RBFOX1: variants seen among roughly 807,000 people sequenced by gnomAD.
RBFOX1 encodes the protein RNA binding fox-1 homolog 1, also known as RNA binding protein fox-1 homolog 1.
A neutral mutation model predicts 57.7 loss-of-function variants in RBFOX1; 8 were observed. That is an observed-to-expected ratio of 0.14 (90% CI 0.08 to 0.25). RBFOX1 has a LOEUF of 0.25. Among genes scored for constraint, RBFOX1 ranks in the 10% least tolerant of loss-of-function variants. RBFOX1 has a pLI of 1.00. For missense variants in RBFOX1, 611 were observed against 548.5 expected, an observed-to-expected ratio of 1.11 and a Z score of -1.14; for synonymous variants, 326 against 222.4, an observed-to-expected ratio of 1.47 and a Z score of -4.15.
intron 4 of RBFOX1, among the ~76,000 whole-genome samples, chr16:7,460,389 ATGTGTGTGTGTGTG>A (rs1235047786): frequency 2.3e-5 from 2 of 87,216 alleles, no homozygotes; most frequent in East Asian, 4.2e-4. Flanking sequence ...ATATATATAT[ATGTGTGTGTGTGTG>A]TGTGTGTGTG....
At chr16:6,075,526 G>A in intron 1 of RBFOX1, among the ~76,000 whole-genome samples, 1 of 152,146 alleles carries the variant, frequency 6.6e-6, no homozygotes, top group Non-Finnish European at 1.5e-5. Context: ...AACACAATCT[G>A]TTGTTTCTGA....
intron 5 of RBFOX1, among the ~76,000 whole-genome samples, chr16:7,562,019 GA>G (rs145430474): frequency 2.1e-4 from 32 of 148,982 alleles, no homozygotes; most frequent in African/African-American, 6.4e-4. Flanking sequence ...AGGAGATGAG[GA>G]AAAAAAAAAT....
chr16:6,190,303 C>T lies in RBFOX1; in HGVS notation c.-126-126692C>T, dbSNP rs371009321. Among the ~76,000 whole-genome samples the T allele has an allele frequency of 8.9e-4, 136 of 152,288 alleles. 5 individuals carry two copies. In the South Asian group the frequency reaches 0.027, roughly 30 times the overall value. ...TTCAAAGTTATTACATCCAAACCAA[C>T]ACTAAGTAGTAATGTTAGGATGTGT... On this transcript the variant is annotated intron_variant, in intron 1 of 15. Coordinates refer to ENST00000550418, the MANE Select transcript of RBFOX1 (RefSeq NM_018723.4).
At chr16:6,347,568 T>G (rs2085587681) in intron 2 of RBFOX1, among the ~76,000 whole-genome samples, 1 of 152,180 alleles carries the variant, frequency 6.6e-6, no homozygotes, top group Admixed American at 6.5e-5. Context: ...GCTTTGCATC[T>G]TGCATATGCA....
chr16:5,337,456 T>G (rs1030444486), intron 1 of RBFOX1, among the ~76,000 whole-genome samples: 1 of 152,210 alleles, frequency 6.6e-6, no homozygotes, highest in African/African-American at 2.4e-5. Context: ...TCTAAAATAT[T>G]TTTTTCCTAA....
chr16:5,883,546 G>C (rs986183132), intron 4 of RBFOX1, among the ~76,000 whole-genome samples: 1 of 152,054 alleles, frequency 6.6e-6, no homozygotes, highest in Non-Finnish European at 1.5e-5. Context: ...ACGTTGGACT[G>C]CTCTAATTGT....
chr16:7,010,107 A>G (rs1004624155), intron 3 of RBFOX1, among the ~76,000 whole-genome samples: 1 of 152,224 alleles, frequency 6.6e-6, no homozygotes, highest in African/African-American at 2.4e-5. Context: ...GCCTAAGGGC[A>G]TGAACTCTAT....
At chr16:7,023,640 G>A (rs967995849) in intron 3 of RBFOX1, among the ~76,000 whole-genome samples, 14 of 148,444 alleles carry the variant, frequency 9.4e-5, no homozygotes, top group African/African-American at 2.7e-4. Flanking sequence ...GCACTGGGAA[G>A]GCCCCAGTAT....
At chr16:6,733,148 A>T (rs1301240930) in intron 3 of RBFOX1, among the ~76,000 whole-genome samples, 3 of 152,224 alleles carry the variant, frequency 2.0e-5, no homozygotes, top group Non-Finnish European at 2.9e-5. Flanking sequence ...AAATGTGAAT[A>T]ATGAGAACAG....
At chr16:7,234,829 T>A (rs2093689393) in intron 4 of RBFOX1, among the ~76,000 whole-genome samples, 1 of 152,086 alleles carries the variant, frequency 6.6e-6, no homozygotes, top group East Asian at 1.9e-4. Context: ...GCACCCCATT[T>A]TTGGTACGTG....
chr16:5,443,903 G>A (rs185721993), intron 1 of RBFOX1, among the ~76,000 whole-genome samples: 6 of 152,182 alleles, frequency 3.9e-5, no homozygotes, highest in Non-Finnish European at 7.4e-5. Context: ...CTTATTTGCC[G>A]AGGGGAGATT....
At chr16:5,625,520 C>A (rs934192108) in intron 3 of RBFOX1, among the ~76,000 whole-genome samples, 2 of 143,170 alleles carry the variant, frequency 1.4e-5, no homozygotes, top group African/African-American at 2.6e-5. Context: ...TGGATTTACT[C>A]TTTTAATATT....
At chr16:7,132,990 C>G (rs2070935674) in intron 4 of RBFOX1, among the ~76,000 whole-genome samples, 1 of 152,052 alleles carries the variant, frequency 6.6e-6, no homozygotes, top group South Asian at 2.1e-4. Context: ...AACCGTTATA[C>G]CAGGAAATAA....
At chr16:7,420,999 G>A (rs533171084) in intron 4 of RBFOX1, among the ~76,000 whole-genome samples, 2 of 150,996 alleles carry the variant, frequency 1.3e-5, no homozygotes, top group East Asian at 1.9e-4. Context: ...TCCTGAGGCT[G>A]TACAGACGTG....
chr16:6,529,552 C>G (rs2096627694), intron 2 of RBFOX1, among the ~76,000 whole-genome samples: 2 of 144,812 alleles, frequency 1.4e-5, no homozygotes, highest in South Asian at 2.2e-4. Flanking sequence ...GAGACTCCAT[C>G]TCAAATAATA....
rs754679727 is a variant in RBFOX1, at chr16:6,097,818, G to A, written c.-127+77826G>A. On this transcript the variant is annotated intron_variant, in intron 1 of 15. Coordinates refer to ENST00000550418, the MANE Select transcript of RBFOX1 (RefSeq NM_018723.4). This position sits in a 1 kb window ranked among gnomAD's most constrained non-coding sequence, Gnocchi z 5.0. ...TCTTATTTATTTATTTTCTATCACC[G>A]TACTTACTGGTGGAGTGGAAGTCCC... 3.4e-5 allele frequency among the ~76,000 whole-genome samples: 5 copies of A among 148,494 alleles called. No individual in the cohort carries two copies. Among genetic ancestry groups the A allele is most frequent in the Non-Finnish European group, 5.9e-5 (4 of 67,462 alleles).
intron 2 of RBFOX1, among the ~76,000 whole-genome samples, chr16:5,567,236 T>A (rs1487360221): frequency 2.0e-5 from 3 of 152,172 alleles, no homozygotes; most frequent in Non-Finnish European, 2.9e-5. Flanking sequence ...GTGGGACGTA[T>A]CCTGTGTGGA....
At chr16:5,336,851 GT>G (rs1204420775) in intron 1 of RBFOX1, among the ~76,000 whole-genome samples, 1 of 152,186 alleles carries the variant, frequency 6.6e-6, no homozygotes, top group East Asian at 1.9e-4. Context: ...TAAAAGACTT[GT>G]TTATCCTTTC....
At chr16:5,616,195 C>G (rs984187545) in intron 3 of RBFOX1, 25 of 152,472 alleles carry the variant, frequency 1.6e-4, no homozygotes, top group African/African-American at 6.0e-4. Flanking sequence ...GCTGGCTTAA[C>G]GGTCCATCTG....
Sources: gnomAD v4.1 joint callset for allele counts (sites outside exome capture counted in the v4.1 genomes callset) on GRCh38, gnomAD v4.1.1 for gene constraint, Gnocchi (gnomAD v3.1) non-coding constraint, MANE v1.5 for transcripts, NCBI Gene and HGNC (gene_info 2026-07-23, HGNC 2026-07-21) for gene names.